Variants in C16orf96 observed in about 807,000 individuals in gnomAD.
The protein encoded by C16orf96 is uncharacterized protein C16orf96.
Under a neutral mutation model 103.6 loss-of-function variants are expected in C16orf96, and 108 were observed. The ratio of observed to expected loss-of-function variants is 1.04; its 90% CI spans 0.89 to 1.22. The LOEUF (loss-of-function observed/expected upper bound fraction) is 1.22. Ranked by LOEUF, C16orf96 falls within the 50% of genes most tolerant of loss-of-function variation. C16orf96 has a pLI of 0.00. For missense variants in C16orf96, 1,586 were observed against 1,464.2 expected (o/e 1.08, Z -1.36); for synonymous variants, 566 against 593.5 (o/e 0.95, Z 0.67).
chr16:4,600,104 G>A lies in C16orf96; in HGVS notation c.3213G>A (p.Leu1071=). The A allele has an allele frequency of 1.9e-6, 3 of 1,551,054 alleles. No homozygotes were observed. The highest frequency in any genetic ancestry group is 1.7e-6 in the Non-Finnish European group (2 of 1,147,094). ...GTTTCTCCTGCCCCTCCCCAGCCCT[G>A]TGCCCCCGCTCCAGTGCCTGCTCAG... ...SALFGAICPP[L]CPRSSACSAA... The change falls in exon 16 of 16, where the codon CTG becomes CTA. Residue 1071 remains leucine, a synonymous_variant. Transcript: ENST00000444310.
the C16orf96 span, among the ~76,000 whole-genome samples, chr16:4,539,563 T>G: frequency 6.6e-6 from 1 of 152,130 alleles, no homozygotes; most frequent in African/African-American, 2.4e-5. Context: ...CACGCACCTG[T>G]AATCCCAACT....
At chr16:4,550,192 C>G in the C16orf96 span, among the ~76,000 whole-genome samples, 6 of 151,612 alleles carry the variant, frequency 4.0e-5, no homozygotes, top group Non-Finnish European at 7.4e-5. Context: ...TCAAGCGATT[C>G]TCCTGCCTCA....
intron 10 of C16orf96, 107 bp from the exon 11 acceptor site, chr16:4,592,198 C>G: frequency 1.5e-6 from 2 of 1,374,064 alleles, no homozygotes; most frequent in South Asian, 1.3e-5. Flanking sequence ...TGAGCTGGGC[C>G]GGGCACTGGC....
At chr16:4,555,386 T>TC (rs533357547), upstream of C16orf96, among the ~76,000 whole-genome samples, 1,185 of 151,926 alleles carry the variant, frequency 7.8e-3, 7 homozygotes, top group Non-Finnish European at 0.013. Context: ...CTTTTTTTTT[T>TC]CTTTTGAGAC....
rs1253378417 is a variant in C16orf96, at chr16:4,575,444, A to G, written c.964A>G (p.Thr322Ala). Reference sequence around the variant, plus strand: ...GCCTGAGTCTGCACCTGGGTGCACAACTGAATTTGCACCTGGGCCTGCACC... The same window carrying G: ...GCCTGAGTCTGCACCTGGGTGCACAGCTGAATTTGCACCTGGGCCTGCACC... ...LTPESAPGCT[T>A]EFAPGPAPGT... is the part of the protein sequence containing the mutation. The change falls in exon 5 of 16, where the codon ACT becomes GCT. Residue 322 changes from threonine to alanine, a missense_variant. Coordinates refer to ENST00000444310, the MANE Select transcript of C16orf96 (RefSeq NM_001145011.2). The G allele has an allele frequency of 6.5e-7, 1 of 1,549,184 alleles. No homozygotes were observed. The highest frequency in any genetic ancestry group is 8.7e-7 in the Non-Finnish European group (1 of 1,146,920).
intron 14 of C16orf96, among the ~76,000 whole-genome samples, chr16:4,595,463 G>A (rs143483547): frequency 1.5e-3 from 223 of 152,334 alleles, no homozygotes; most frequent in African/African-American, 3.3e-3. Context: ...GCTGAGGCCC[G>A]GCTCTGGCCG....
chr16:4,542,744 G>T, the C16orf96 span, among the ~76,000 whole-genome samples: 12 of 152,038 alleles, frequency 7.9e-5, no homozygotes, highest in African/African-American at 2.9e-4. Context: ...TTGCAGTGAG[G>T]CAAGATCACA....
upstream of C16orf96, among the ~76,000 whole-genome samples, chr16:4,554,474 C>A (rs1424923667): frequency 6.6e-6 from 1 of 151,830 alleles, no homozygotes; most frequent in Non-Finnish European, 1.5e-5. Context: ...CCTCAGCCTC[C>A]CGAGTAGTTG....
At chr16:4,562,330 G>T (rs911202633) in intron 1 of C16orf96, among the ~76,000 whole-genome samples, 2 of 151,992 alleles carry the variant, frequency 1.3e-5, no homozygotes, top group Admixed American at 1.3e-4. Flanking sequence ...TTTGAAATTG[G>T]CTGGGCATGG....
chr16:4,543,453 G>C, the C16orf96 span, among the ~76,000 whole-genome samples: 1 of 152,070 alleles, frequency 6.6e-6, no homozygotes, highest in African/African-American at 2.4e-5. Context: ...TTTGGGCTGA[G>C]TAATATGACT....
intron 1 of C16orf96, chr16:4,562,884 G>T: frequency 7.1e-7 from 1 of 1,409,856 alleles, no homozygotes; most frequent in Admixed American, 1.7e-5. Context: ...TGGATTTAAA[G>T]AAATACCTTT....
chr16:4,539,613 A>T, the C16orf96 span, among the ~76,000 whole-genome samples: 1 of 152,132 alleles, frequency 6.6e-6, no homozygotes, highest in African/African-American at 2.4e-5. Flanking sequence ...TGAACCCGAG[A>T]GATGGAGGTT....
chr16:4,583,064 G>A (rs1424119342), intron 7 of C16orf96, among the ~76,000 whole-genome samples: 2 of 151,916 alleles, frequency 1.3e-5, no homozygotes, highest in Admixed American at 6.6e-5. Flanking sequence ...GATGAAAGCC[G>A]ATCGCTACTA....
intron 8 of C16orf96, among the ~76,000 whole-genome samples, chr16:4,587,492 C>A (rs1896953862): frequency 1.4e-5 from 2 of 140,248 alleles, no homozygotes; most frequent in African/African-American, 5.4e-5. Flanking sequence ...CATGCCATTG[C>A]ACTCCAGCCT....
In C16orf96 at chr16:4,593,482, C is replaced by T. The variant is rs1320083204; in HGVS notation, c.2867+166C>T. ...CAGGCACTCCGAGAGGTGGCTGGGG[C>T]GGCAGACAGGCCCACGAGATGATGG... On this transcript the variant is annotated intron_variant, in intron 12 of 15. Coordinates refer to ENST00000444310, the MANE Select transcript of C16orf96 (RefSeq NM_001145011.2). This position sits in a 1 kb window ranked among gnomAD's most constrained non-coding sequence, Gnocchi z 4.2. 4.0e-5 allele frequency among the ~76,000 whole-genome samples: 6 copies of T among 150,650 alleles called. No homozygotes were observed. Among genetic ancestry groups the T allele is most frequent in the Admixed American group, 3.3e-4 (5 of 14,980 alleles).
At chr16:4,550,423 C>A in the C16orf96 span, among the ~76,000 whole-genome samples, 1 of 152,174 alleles carries the variant, frequency 6.6e-6, no homozygotes, top group Non-Finnish European at 1.5e-5. Context: ...TCAGAGCAAA[C>A]ACTGACTGGT....
At position 4,599,363 on chromosome 16, in the gene C16orf96, C is replaced by T; in HGVS notation, c.3207C>T (p.Pro1069=). The change falls in exon 15 of 16, where the codon CCC becomes CCT. Residue 1069 remains proline, a splice_region_variant and synonymous_variant. Transcript: ENST00000444310. The part of the protein sequence containing the change: ...HSSALFGAIC[P]PLCPRSSACS... ...GTGCCCTATTTGGCGCCATCTGCCC[C>T]CGTGAGTACCTGGTTCCCAGCCCCA... 1.3e-6 allele frequency: 2 copies of T among 1,551,306 alleles called. No individual in the cohort carries two copies. Among genetic ancestry groups the T allele is most frequent in the Non-Finnish European group, 1.7e-6 (2 of 1,146,620 alleles).
At chr16:4,567,692 CTTTTTTTTT>C (rs60143866) in intron 1 of C16orf96, among the ~76,000 whole-genome samples, 19 of 44,536 alleles carry the variant, frequency 4.3e-4, no homozygotes, top group Admixed American at 2.0e-3. Flanking sequence ...CTTCTGTTGC[CTTTTTTTTT>C]TTTTTTTTTT....
At chr16:4,572,453 C>G (rs1342130689) in intron 2 of C16orf96, among the ~76,000 whole-genome samples, 1 of 151,834 alleles carries the variant, frequency 6.6e-6, no homozygotes. Flanking sequence ...GCGCCCGCCC[C>G]CATGCCCGGC....
Sources: allele counts gnomAD v4.1 joint callset (sites outside exome capture counted in the v4.1 genomes callset), GRCh38; gene constraint gnomAD v4.1.1; non-coding constraint Gnocchi (gnomAD v3.1); transcripts MANE v1.5; gene names NCBI Gene and HGNC (gene_info 2026-07-23, HGNC 2026-07-21).